C1QTNF9: variants seen among roughly 807,000 people sequenced by gnomAD.
C1QTNF9 encodes the protein complement C1q and tumor necrosis factor-related protein 9A.
In C1QTNF9, 6 loss-of-function variants were observed where a neutral mutation model predicts 10.1. That is an observed-to-expected ratio of 0.59 (90% CI 0.32 to 1.17). The LOEUF is 1.17. C1QTNF9 is among the 50% of genes most tolerant of loss of function. The pLI is 0.04. For missense variants in C1QTNF9, 201 were observed against 418.8 expected, an observed-to-expected ratio of 0.48 and a Z score of 4.54; for synonymous variants, 98 against 163.5, an observed-to-expected ratio of 0.60 and a Z score of 3.06.
At chr13:24,319,331 G>A (rs1565957296) in intron 3 of C1QTNF9, among the ~76,000 whole-genome samples, 1 of 152,064 alleles carries the variant, frequency 6.6e-6, no homozygotes, top group Non-Finnish European at 1.5e-5. Flanking sequence ...TTGAACCTAG[G>A]AGTTCCAGAC....
At chr13:24,319,409 C>T (rs1400309417) in intron 3 of C1QTNF9, among the ~76,000 whole-genome samples, 5 of 151,974 alleles carry the variant, frequency 3.3e-5, no homozygotes, top group African/African-American at 7.3e-5. Context: ...CATTGTGGCA[C>T]GTGCCTGTAG....
At chr13:24,310,642 G>A (rs1348686896) in intron 1 of C1QTNF9, among the ~76,000 whole-genome samples, 8 of 151,644 alleles carry the variant, frequency 5.3e-5, no homozygotes, top group South Asian at 2.1e-4. Context: ...GGCTGGGCGC[G>A]GTGGCTCACA....
rs56654126 is a variant in C1QTNF9, at chr13:24,317,287, T to TGTGTG, written c.166+1120_166+1121insGTGGT. 5.8e-3 allele frequency among the ~76,000 whole-genome samples: 835 copies of TGTGTG among 144,204 alleles called. 5 individuals are homozygous for TGTGTG. The highest frequency in any genetic ancestry group is 8.6e-3 in the Non-Finnish European group (559 of 65,100). 94.6% of individuals were successfully genotyped at this position (144,204 alleles called of 152,430 possible). On this transcript the variant is annotated intron_variant, in intron 2 of 3. Coordinates refer to ENST00000332018, the Ensembl canonical transcript of C1QTNF9. ...TGTGTGTGTGTGTGTGTGTGTGTAT[T>TGTGTG]GTATTTCTGAATATATAAGATTTTC...
intron 1 of C1QTNF9, among the ~76,000 whole-genome samples, chr13:24,310,221 T>G (rs1297212782): frequency 1.3e-5 from 2 of 151,742 alleles, no homozygotes; most frequent in Non-Finnish European, 1.5e-5. Flanking sequence ...TGGCAGGATC[T>G]CAGCTCACTG....
At chr13:24,307,453 T>C (rs1397863609), upstream of C1QTNF9, among the ~76,000 whole-genome samples, 1 of 152,222 alleles carries the variant, frequency 6.6e-6, no homozygotes, top group Non-Finnish European at 1.5e-5. Context: ...TCACTCGCCC[T>C]TTGCGGGTGG....
intron 3 of C1QTNF9, among the ~76,000 whole-genome samples, chr13:24,320,350 GCA>G (rs1878204396): frequency 6.6e-6 from 1 of 152,114 alleles, no homozygotes; most frequent in Non-Finnish European, 1.5e-5. Flanking sequence ...GTGTCCATGT[GCA>G]CACACGTGTG....
rs1593533511 is a variant in C1QTNF9 at position 24,315,669 on chromosome 13, T to C, written c.-22-313T>C. 8.4e-6 allele frequency: 4 copies of C among 473,504 alleles called. No homozygotes were observed. In the East Asian group the frequency reaches 1.3e-4, roughly 15 times the overall value. The allele number at this position is 473,504 out of a possible 1,614,324, so 29.3% of individuals were successfully genotyped here. A position where few individuals can be genotyped will look rare whatever the true frequency, so the allele number is the denominator to read the frequency against. ...GTCCTGTGAGATAAGTAAGCATTGATCTCTGGTTCAGAAAAGTGATTTCTT... is the reference window on the plus strand; with the variant it reads ...GTCCTGTGAGATAAGTAAGCATTGACCTCTGGTTCAGAAAAGTGATTTCTT... On this transcript the variant is annotated intron_variant, in intron 1 of 3. Transcript: ENST00000332018.
intron 1 of C1QTNF9, among the ~76,000 whole-genome samples, chr13:24,313,084 AT>A (rs1368628172): frequency 4.6e-5 from 7 of 152,218 alleles, no homozygotes; most frequent in African/African-American, 7.2e-5. Context: ...CCTGGGCAAC[AT>A]TCATGAGACT....
intron 3 of C1QTNF9, 46 bp from the exon 4 acceptor site, chr13:24,320,950 G>A (rs549389758): frequency 6.4e-7 from 1 of 1,564,480 alleles, no homozygotes; most frequent in Non-Finnish European, 8.7e-7. Context: ...TGTTCACAAG[G>A]GAATCTTTCA....
At chr13:24,315,341 T>C (rs1313576412) in intron 1 of C1QTNF9, among the ~76,000 whole-genome samples, 1 of 152,216 alleles carries the variant, frequency 6.6e-6, no homozygotes, top group African/African-American at 2.4e-5. Flanking sequence ...CTTCGCATAA[T>C]GTTCTCGAGG....
intron 2 of C1QTNF9, among the ~76,000 whole-genome samples, chr13:24,318,560 G>A (rs1416429587): frequency 1.3e-5 from 2 of 152,070 alleles, no homozygotes; most frequent in South Asian, 2.1e-4. Context: ...CTTGCTGTGC[G>A]CTCTAGGCAC....
intron 1 of C1QTNF9, among the ~76,000 whole-genome samples, chr13:24,310,142 T>C (rs1230652602): frequency 1.3e-5 from 2 of 151,826 alleles, no homozygotes; most frequent in African/African-American, 4.8e-5. Flanking sequence ...TCCAACCGCT[T>C]TGGCCTCCCA....
chr13:24,314,784 A>G (rs1392007120), intron 1 of C1QTNF9, among the ~76,000 whole-genome samples: 2 of 152,050 alleles, frequency 1.3e-5, no homozygotes, highest in African/African-American at 4.8e-5. Flanking sequence ...TTGAGACTAC[A>G]GTGAGCTGTG....
At chr13:24,307,244 GGGGGGCTCCGAGGGCAACCTCGGA>G (rs1877632701), upstream of C1QTNF9, 7 of 152,240 alleles carry the variant, frequency 4.6e-5, no homozygotes, top group Admixed American at 4.6e-4. Context: ...CGTGGGAGAA[GGGGGGCTCCGAGGGCAACCTCGGA>G]GGGCACCCTG....
exon 4 of C1QTNF9, chr13:24,321,001 G>C: frequency 6.3e-7 from 1 of 1,590,270 alleles, no homozygotes; most frequent in Non-Finnish European, 8.5e-7. Context: ...TTTAGGAGCA[G>C]ATGGAAAAGT....
Position 24,320,997 on chromosome 13 carries a change from A to G in C1QTNF9, c.231A>G (p.Gly77=), listed in dbSNP as rs777944603. The G allele has an allele frequency of 3.4e-5, 54 of 1,585,730 alleles. 1 individual carries two copies. In the South Asian group the frequency reaches 3.9e-4, roughly 12 times the overall value. Residue 77 remains glycine, a splice_region_variant and synonymous_variant, in exon 4 of 4, where the codon GGA becomes GGG. Coordinates refer to ENST00000332018, the Ensembl canonical transcript of C1QTNF9. ...TTTATTTGCTCTTTCTCTATTTAGGAGCAGATGGAAAAGTTGAAGCAAAAG... is the reference window on the plus strand; with the variant it reads ...TTTATTTGCTCTTTCTCTATTTAGGGGCAGATGGAAAAGTTGAAGCAAAAG...
At chr13:24,318,963 A>T (rs1878148531) in intron 3 of C1QTNF9, 83 bp downstream of exon 3, 6 of 1,562,424 alleles carry the variant, frequency 3.8e-6, no homozygotes, top group Non-Finnish European at 5.3e-6. Flanking sequence ...CTCCATGCTG[A>T]TTATAATCTT....
intron 1 of C1QTNF9, among the ~76,000 whole-genome samples, chr13:24,314,740 A>T (rs1455830971): frequency 6.6e-6 from 1 of 152,084 alleles, no homozygotes; most frequent in Non-Finnish European, 1.5e-5. Context: ...GCTACTTGGG[A>T]GGTTGAAGCA....
chr13:24,313,133 A>T (rs1877899883), intron 1 of C1QTNF9, among the ~76,000 whole-genome samples: 1 of 152,110 alleles, frequency 6.6e-6, no homozygotes, highest in African/African-American at 2.4e-5. Flanking sequence ...AACAAATAAA[A>T]CAGAAATAGT....
Sources: gnomAD v4.1 joint callset for allele counts (sites outside exome capture counted in the v4.1 genomes callset) on GRCh38, gnomAD v4.1.1 for gene constraint, MANE v1.5 for transcripts, NCBI Gene and HGNC (gene_info 2026-07-23, HGNC 2026-07-21) for gene names.